Variants in LHFPL3 observed in about 807,000 individuals in gnomAD.
The protein encoded by LHFPL3 is LHFPL tetraspan subfamily member 3.
In LHFPL3, 5 loss-of-function variants were observed where a neutral mutation model predicts 19.3. The ratio of observed to expected loss-of-function variants is 0.26; its 90% CI spans 0.14 to 0.54. The LOEUF is 0.54. LHFPL3 is among the 20% of genes least tolerant of loss of function. The pLI is 0.94. For missense variants in LHFPL3, 249 were observed against 307.4 expected, an observed-to-expected ratio of 0.81 and a Z score of 1.42; for synonymous variants, 133 against 126.2, an observed-to-expected ratio of 1.05 and a Z score of -0.36.
chr7:104,869,787 C>T (rs1333758327), intron 2 of LHFPL3, among the ~76,000 whole-genome samples: 25 of 152,194 alleles, frequency 1.6e-4, no homozygotes, highest in Admixed American at 1.6e-3. Context: ...AAGACACATG[C>T]ACACGTATGT....
chr7:104,825,249 CAT>C (rs563626674), intron 2 of LHFPL3, among the ~76,000 whole-genome samples: 5 of 151,928 alleles, frequency 3.3e-5, no homozygotes, highest in African/African-American at 1.2e-4. Context: ...ATGAGTCAAA[CAT>C]AGCAACAGTG....
At chr7:104,863,997 G>C (rs1348583555) in intron 2 of LHFPL3, among the ~76,000 whole-genome samples, 1 of 152,138 alleles carries the variant, frequency 6.6e-6, no homozygotes, top group Non-Finnish European at 1.5e-5. Flanking sequence ...CAAATCCCTA[G>C]AACACTGAGT....
At chr7:104,752,923 A>C in intron 2 of LHFPL3, 1 of 333,224 alleles carries the variant, frequency 3.0e-6, no homozygotes, top group Non-Finnish European at 5.4e-6. Context: ...ATCTTACATC[A>C]GTGTGGTCCA....
In LHFPL3 at chr7:104,328,757, G is replaced by A. The variant is rs771001213; in HGVS notation, c.-23G>A. ...GGGAGGCGGAGGACCAGGAGGAGGAGGAGGAGGAGGAGGAGGGGGAGAATG... is the reference window on the plus strand; with the variant it reads ...GGGAGGCGGAGGACCAGGAGGAGGAAGAGGAGGAGGAGGAGGGGGAGAATG... On this transcript the variant is annotated 5_prime_UTR_variant, in exon 1 of 3. Coordinates refer to ENST00000424859, the MANE Select transcript of LHFPL3 (RefSeq NM_199000.3). This position sits in a 1 kb window ranked among gnomAD's most constrained non-coding sequence, Gnocchi z 4.6. The A allele has an allele frequency of 6.5e-7, 1 of 1,537,754 alleles. No homozygotes were observed. The highest frequency in any genetic ancestry group is 1.2e-5 in the South Asian group (1 of 85,306).
chr7:104,464,261 T>C (rs1792732682), intron 1 of LHFPL3, among the ~76,000 whole-genome samples: 1 of 152,208 alleles, frequency 6.6e-6, no homozygotes, highest in Non-Finnish European at 1.5e-5. Context: ...GCTCTGCCCC[T>C]GTGTCTTTGC....
chr7:104,538,532 A>C (rs1439282525), intron 1 of LHFPL3, among the ~76,000 whole-genome samples: 1 of 152,238 alleles, frequency 6.6e-6, no homozygotes, highest in Non-Finnish European at 1.5e-5. Context: ...CGTTTTCCAC[A>C]GGGTGGCCAT....
chr7:104,394,587 A>G (rs1036238831), intron 1 of LHFPL3, among the ~76,000 whole-genome samples: 8 of 152,200 alleles, frequency 5.3e-5, no homozygotes, highest in African/African-American at 1.9e-4. Flanking sequence ...TAACAAAACT[A>G]TGGATGAAAA....
intron 2 of LHFPL3, among the ~76,000 whole-genome samples, chr7:104,813,545 G>T (rs1790513873): frequency 6.6e-6 from 1 of 152,152 alleles, no homozygotes; most frequent in African/African-American, 2.4e-5. Flanking sequence ...CATGCTACTA[G>T]CCTGGGTCCC....
At chr7:104,523,397 G>A (rs1014212784) in intron 1 of LHFPL3, among the ~76,000 whole-genome samples, 1 of 152,104 alleles carries the variant, frequency 6.6e-6, no homozygotes, top group African/African-American at 2.4e-5. Context: ...TAGGATAAGG[G>A]AGAAAAAGTT....
intron 1 of LHFPL3, among the ~76,000 whole-genome samples, chr7:104,658,777 G>T (rs1005330300): frequency 6.6e-5 from 10 of 152,120 alleles, no homozygotes; most frequent in Admixed American, 4.6e-4. Flanking sequence ...CCGACAGAGC[G>T]AGACTTCATC....
intron 1 of LHFPL3, among the ~76,000 whole-genome samples, chr7:104,407,416 G>GGAGGCC (rs1221491281): frequency 1.3e-5 from 2 of 152,182 alleles, no homozygotes; most frequent in Non-Finnish European, 2.9e-5. Flanking sequence ...CAGCACCTTG[G>GGAGGCC]GAGGCCAAGG....
intron 1 of LHFPL3, among the ~76,000 whole-genome samples, chr7:104,349,968 C>G (rs1478051769): frequency 1.3e-5 from 2 of 152,158 alleles, no homozygotes; most frequent in Non-Finnish European, 2.9e-5. Context: ...TTGCTGAGAG[C>G]TTTCCTTATA....
At chr7:104,711,689 A>G (rs969551934) in intron 1 of LHFPL3, among the ~76,000 whole-genome samples, 5 of 152,198 alleles carry the variant, frequency 3.3e-5, no homozygotes, top group African/African-American at 1.2e-4. Flanking sequence ...GGTTAGAAAT[A>G]AGATCAAATT....
At chr7:104,341,286 C>T (rs1789945196) in intron 1 of LHFPL3, among the ~76,000 whole-genome samples, 1 of 152,152 alleles carries the variant, frequency 6.6e-6, no homozygotes, top group Non-Finnish European at 1.5e-5. Flanking sequence ...GTTAATTCCT[C>T]CTTGTATTTC....
rs1037521245 is a variant in LHFPL3, at chr7:104,562,246, G to A, written c.446-174429G>A. On this transcript the variant is annotated intron_variant, in intron 1 of 2. Coordinates refer to ENST00000424859, the MANE Select transcript of LHFPL3 (RefSeq NM_199000.3). ...CGTTGGCCTGCCTTGCTAGATTGGGGAAGTTCTCCTGGATAATATCCTGCA... is the reference window on the plus strand; with the variant it reads ...CGTTGGCCTGCCTTGCTAGATTGGGAAAGTTCTCCTGGATAATATCCTGCA... Among the ~76,000 whole-genome samples the A allele has an allele frequency of 6.5e-3, 993 of 151,918 alleles. 10 individuals carry two copies. The highest frequency in any genetic ancestry group is 0.023 in the African/African-American group (965 of 41,462).
chr7:104,826,098 A>G lies in LHFPL3; in HGVS notation c.683-80089A>G, dbSNP rs143757520. Among the ~76,000 whole-genome samples, 130 of 152,070 alleles carry G rather than the reference A, an allele frequency of 8.5e-4. 2 individuals are homozygous for G. The highest frequency in any genetic ancestry group is 6.8e-3 in the Middle Eastern group (2 of 294). On this transcript the variant is annotated intron_variant, in intron 2 of 2. Coordinates refer to ENST00000424859, the MANE Select transcript of LHFPL3 (RefSeq NM_199000.3). ...AAATAGAAGGTACTACATGAATAAT[A>G]ACTGTTATTATTTAATTCATTCTTA...
chr7:104,855,474 G>A (rs1239498655), intron 2 of LHFPL3, among the ~76,000 whole-genome samples: 1 of 152,088 alleles, frequency 6.6e-6, no homozygotes. Context: ...TGGTGTTGCA[G>A]AATATTTCTT....
chr7:104,753,190 A>G (rs1420869544), intron 2 of LHFPL3, among the ~76,000 whole-genome samples: 1 of 152,226 alleles, frequency 6.6e-6, no homozygotes, highest in Non-Finnish European at 1.5e-5. Context: ...CCACTATAAT[A>G]GAACTTTAGA....
chr7:104,530,193 C>A (rs990147654), intron 1 of LHFPL3, among the ~76,000 whole-genome samples: 1 of 152,174 alleles, frequency 6.6e-6, no homozygotes, highest in African/African-American at 2.4e-5. Context: ...TACTTGGATC[C>A]TTAATTCTAG....
Sources: gnomAD v4.1 joint callset for allele counts (sites outside exome capture counted in the v4.1 genomes callset) on GRCh38, gnomAD v4.1.1 for gene constraint, Gnocchi (gnomAD v3.1) non-coding constraint, MANE v1.5 for transcripts, NCBI Gene and HGNC (gene_info 2026-07-23, HGNC 2026-07-21) for gene names.